PLA2G4E: variants seen among roughly 807,000 people sequenced by gnomAD.
The protein encoded by PLA2G4E is phospholipase A2 group IVE.
Under a neutral mutation model 109.1 loss-of-function variants are expected in PLA2G4E, and 84 were observed. That is an observed-to-expected ratio of 0.77 (90% confidence interval 0.65 to 0.92). The LOEUF (loss-of-function observed/expected upper bound fraction) is 0.92, where lower values mean the gene tolerates loss of function less well. PLA2G4E is among the 40% of genes least tolerant of loss of function. The pLI is 0.00. For synonymous variants in PLA2G4E, 469 were observed against 436.1 expected, an observed-to-expected ratio of 1.08 and a Z score of -0.94; for missense variants, 1,057 against 1,076.6, an observed-to-expected ratio of 0.98 and a Z score of 0.25.
At chr15:41,997,395 T>C in intron 10 of PLA2G4E, 136 bp from the exon 11 acceptor site, 1 of 1,003,900 alleles carries the variant, frequency 1.0e-6, no homozygotes, top group South Asian at 2.1e-5. Context: ...GGTCTCCACT[T>C]TCCCATCTGT....
intron 1 of PLA2G4E, among the ~76,000 whole-genome samples, chr15:42,027,156 A>G (rs1308313903): frequency 1.3e-5 from 2 of 152,140 alleles, no homozygotes; most frequent in African/African-American, 4.8e-5. Flanking sequence ...GAACAACATG[A>G]TGGGTCTGGG....
intron 1 of PLA2G4E, among the ~76,000 whole-genome samples, chr15:42,027,749 C>T (rs756085974): frequency 3.9e-5 from 6 of 152,206 alleles, no homozygotes; most frequent in Admixed American, 6.5e-5. Context: ...CCTTCATGCC[C>T]AGGCTCCTTC....
chr15:42,017,155 G>A (rs940695078), intron 1 of PLA2G4E, among the ~76,000 whole-genome samples: 2 of 152,188 alleles, frequency 1.3e-5, no homozygotes, highest in Non-Finnish European at 2.9e-5. Flanking sequence ...AGTGTTTCAG[G>A]GCTCTGAACC....
chr15:42,008,601 A>C (rs78205357), intron 2 of PLA2G4E, among the ~76,000 whole-genome samples: 1 of 152,210 alleles, frequency 6.6e-6, no homozygotes, highest in Non-Finnish European at 1.5e-5. Flanking sequence ...TTTGACCCCA[A>C]CAAGCCCTCC....
At chr15:42,049,093 G>C (rs55861655) in intron 1 of PLA2G4E, among the ~76,000 whole-genome samples, 10,446 of 152,270 alleles carry the variant, frequency 0.069, 352 homozygotes, top group South Asian at 0.12. Context: ...GGCAGAGTCA[G>C]GAAGAGGAAG....
chr15:41,983,076 C>G (rs757566298), exon 20 of PLA2G4E: 2 of 152,344 alleles, frequency 1.3e-5, no homozygotes, highest in African/African-American at 4.8e-5. Flanking sequence ...CACCTGAGGT[C>G]AGGAGTTCCA....
intron 1 of PLA2G4E, among the ~76,000 whole-genome samples, chr15:42,023,121 G>A (rs1277973571): frequency 6.6e-6 from 1 of 152,056 alleles, no homozygotes; most frequent in African/African-American, 2.4e-5. Flanking sequence ...AGTTGTGTGG[G>A]AAGAGATACT....
At chr15:41,999,258 C>T (rs1461569555) in intron 10 of PLA2G4E, among the ~76,000 whole-genome samples, 2 of 152,060 alleles carry the variant, frequency 1.3e-5, no homozygotes, top group African/African-American at 4.8e-5. Flanking sequence ...ATTTGCAAAT[C>T]ATATATCTGA....
At chr15:42,018,366 T>A (rs2068616151) in intron 1 of PLA2G4E, among the ~76,000 whole-genome samples, 1 of 152,188 alleles carries the variant, frequency 6.6e-6, no homozygotes, top group Admixed American at 6.5e-5. Context: ...AGGACTCAGA[T>A]AAGCTCATCC....
intron 1 of PLA2G4E, among the ~76,000 whole-genome samples, chr15:42,021,610 C>A (rs756316472): frequency 4.5e-4 from 68 of 152,160 alleles, no homozygotes; most frequent in Non-Finnish European, 8.5e-4. Context: ...GGGCAACCAT[C>A]CCCTGTCCTC....
chr15:42,031,552 T>C (rs1889115115), intron 1 of PLA2G4E, among the ~76,000 whole-genome samples: 1 of 152,118 alleles, frequency 6.6e-6, no homozygotes, highest in Non-Finnish European at 1.5e-5. Flanking sequence ...CCCATAGGCT[T>C]CCCTTTTCCC....
At chr15:42,030,858 C>T (rs1277215330) in intron 1 of PLA2G4E, among the ~76,000 whole-genome samples, 2 of 152,192 alleles carry the variant, frequency 1.3e-5, no homozygotes, top group African/African-American at 4.8e-5. Flanking sequence ...TGAGATTGGT[C>T]CAGGTTTTTG....
chr15:42,013,050 G>A (rs2068553102), intron 2 of PLA2G4E, among the ~76,000 whole-genome samples: 1 of 152,226 alleles, frequency 6.6e-6, no homozygotes, highest in East Asian at 1.9e-4. Flanking sequence ...TGGCCCCCGT[G>A]GCCTGGAAAT....
intron 11 of PLA2G4E, 39 bp downstream of exon 11, chr15:41,997,085 C>G (rs1595562346): frequency 6.6e-7 from 1 of 1,525,198 alleles, no homozygotes; most frequent in Non-Finnish European, 8.8e-7. Context: ...GCTGGAAGGA[C>G]CAGCTGGGCC....
exon 18 of PLA2G4E, chr15:41,985,839 C>T: frequency 1.2e-6 from 2 of 1,609,218 alleles, no homozygotes; most frequent in Non-Finnish European, 8.5e-7. Flanking sequence ...GCGCACTTGC[C>T]TTTGTCTGGG....
intron 1 of PLA2G4E, chr15:42,050,518 T>C: frequency 1.3e-6 from 2 of 1,549,432 alleles, no homozygotes; most frequent in Non-Finnish European, 1.7e-6. Context: ...AACACAGACA[T>C]ACCTCAGAGC....
intron 1 of PLA2G4E, among the ~76,000 whole-genome samples, chr15:42,015,407 C>G (rs756454155): frequency 1.1e-4 from 16 of 152,340 alleles, no homozygotes; most frequent in African/African-American, 3.6e-4. Context: ...GGGAGCCGCT[C>G]CCGTTTCACC....
intron 1 of PLA2G4E, among the ~76,000 whole-genome samples, chr15:42,027,181 C>T (rs931147293): frequency 6.6e-6 from 1 of 152,102 alleles, no homozygotes; most frequent in African/African-American, 2.4e-5. Context: ...TCAGTGTTGA[C>T]AGGAAGAGGC....
chr15:42,046,991 G>A (rs1294315525), intron 1 of PLA2G4E, among the ~76,000 whole-genome samples: 1 of 152,228 alleles, frequency 6.6e-6, no homozygotes, highest in Non-Finnish European at 1.5e-5. Context: ...TGATCCATAG[G>A]GGTGGTCCTG....
Sources: allele counts gnomAD v4.1 joint callset (sites outside exome capture counted in the v4.1 genomes callset), GRCh38; gene constraint gnomAD v4.1.1; transcripts MANE v1.5; gene names NCBI Gene and HGNC (gene_info 2026-07-23, HGNC 2026-07-21).